Variants in NBEA observed in about 807,000 individuals in gnomAD.
NBEA encodes neurobeachin, also known as lysosomal-trafficking regulator 2.
In NBEA, 44 loss-of-function variants were observed where a neutral mutation model predicts 343.4. The observed-to-expected ratio is 0.13, with a 90% CI of 0.10 to 0.16. The LOEUF is 0.16. Among genes scored for constraint, NBEA ranks in the 10% least tolerant of loss-of-function variants. The pLI is 1.00. For synonymous variants in NBEA, 1,175 were observed against 1,238.7 expected, an observed-to-expected ratio of 0.95 and a Z score of 1.08; for missense variants, 2,555 against 3,631.3, an observed-to-expected ratio of 0.70 and a Z score of 7.62.
chr13:35,229,744 G>A (rs1012346080), intron 33 of NBEA, among the ~76,000 whole-genome samples: 5 of 151,988 alleles, frequency 3.3e-5, no homozygotes, highest in Non-Finnish European at 7.4e-5. Flanking sequence ...ATTTTCAGGC[G>A]ATAAAGGAGG....
intron 58 of NBEA, 57 bp from the exon 59 acceptor site, chr13:35,670,844 A>G (rs899756801): frequency 1.6e-6 from 2 of 1,238,286 alleles, no homozygotes; most frequent in Non-Finnish European, 2.3e-6. Context: ...CTAGTGTAAA[A>G]TAGCAACCAC....
intron 39 of NBEA, among the ~76,000 whole-genome samples, chr13:35,432,626 A>G (rs1176187276): frequency 6.6e-6 from 1 of 151,970 alleles, no homozygotes. Flanking sequence ...AGCTAAATGG[A>G]CTTCACATAG....
intron 35 of NBEA, among the ~76,000 whole-genome samples, chr13:35,308,568 A>ATGTATATG (rs762679860): frequency 4.6e-5 from 4 of 87,428 alleles, no homozygotes; most frequent in African/African-American, 1.4e-4. Flanking sequence ...GTATATATGT[A>ATGTATATG]TATATATGTA....
In NBEA at chr13:35,247,229, A is replaced by C. The variant is rs569504991; in HGVS notation, c.5776+14610A>C. Among the ~76,000 whole-genome samples, 4 of 152,284 alleles carry C rather than the reference A, an allele frequency of 2.6e-5. No individual in the cohort carries two copies. The South Asian group carries it at 8.3e-4, about 32-fold the overall frequency. Reference sequence around the variant, plus strand: ...TACCGGCCTCCTGGCCCAGAAAGCAAGCAGGGCTTCTGCGTCTCCTGCCTG... The same window carrying C: ...TACCGGCCTCCTGGCCCAGAAAGCACGCAGGGCTTCTGCGTCTCCTGCCTG... On this transcript the variant is annotated intron_variant, in intron 34 of 58. Transcript: ENST00000379939.
chr13:35,163,428 A>AG (rs1210145209), intron 23 of NBEA, among the ~76,000 whole-genome samples: 1 of 151,818 alleles, frequency 6.6e-6, no homozygotes, highest in Non-Finnish European at 1.5e-5. Context: ...CCAAGGCGGG[A>AG]GGATAGCTGG....
intron 36 of NBEA, among the ~76,000 whole-genome samples, chr13:35,333,830 A>G (rs1434188100): frequency 6.6e-6 from 1 of 152,172 alleles, no homozygotes; most frequent in Non-Finnish European, 1.5e-5. Flanking sequence ...TTCATTTAAC[A>G]TAATGACTTC....
intron 38 of NBEA, among the ~76,000 whole-genome samples, chr13:35,401,476 A>C (rs937382645): frequency 6.6e-6 from 1 of 152,090 alleles, no homozygotes; most frequent in Non-Finnish European, 1.5e-5. Flanking sequence ...CCCAAACAGT[A>C]AACAGTTTTG....
In NBEA at chr13:35,067,746, A is replaced by T. The variant is rs189618639; in HGVS notation, c.1240-2162A>T. 1.6e-3 allele frequency among the ~76,000 whole-genome samples: 251 copies of T among 152,142 alleles called. 1 individual carries two copies. Among genetic ancestry groups the T allele is most frequent in the African/African-American group, 4.2e-3 (175 of 41,520 alleles). Reference sequence around the variant, plus strand: ...ATGTAAAATATTTTCTTTAAAAAAAATTTTTTAAGACTCAAGGTCTCACTC... The same window carrying T: ...ATGTAAAATATTTTCTTTAAAAAAATTTTTTTAAGACTCAAGGTCTCACTC... On this transcript the variant is annotated intron_variant, in intron 8 of 58. Transcript: ENST00000379939.
chr13:35,297,449 T>G (rs924827618), intron 35 of NBEA, among the ~76,000 whole-genome samples: 2 of 152,072 alleles, frequency 1.3e-5, no homozygotes, highest in Non-Finnish European at 2.9e-5. Flanking sequence ...GTATTTCCTT[T>G]CTTTTTGAAG....
At chr13:35,256,663 C>A (rs2032636287) in intron 34 of NBEA, among the ~76,000 whole-genome samples, 1 of 152,210 alleles carries the variant, frequency 6.6e-6, no homozygotes, top group Non-Finnish European at 1.5e-5. Flanking sequence ...CCCTCCTGTG[C>A]TCTTTGGCAC....
At chr13:34,968,221 T>C (rs973604077) in intron 1 of NBEA, among the ~76,000 whole-genome samples, 1 of 152,282 alleles carries the variant, frequency 6.6e-6, no homozygotes, top group Middle Eastern at 3.4e-3. Context: ...CAGATTGATA[T>C]GTTTGCCAAC....
chr13:35,063,089 A>C (rs981322768), intron 8 of NBEA, among the ~76,000 whole-genome samples: 4 of 152,018 alleles, frequency 2.6e-5, no homozygotes, highest in Non-Finnish European at 5.9e-5. Flanking sequence ...TTCAAATGAA[A>C]GGTAACAAAA....
At chr13:35,240,592 T>C (rs1297642790) in intron 34 of NBEA, among the ~76,000 whole-genome samples, 1 of 151,876 alleles carries the variant, frequency 6.6e-6, no homozygotes, top group African/African-American at 2.4e-5. Flanking sequence ...ATTGAGTTGG[T>C]CTCTTCAAAA....
At chr13:35,168,292 T>G (rs545917401) in intron 24 of NBEA, among the ~76,000 whole-genome samples, 1 of 151,624 alleles carries the variant, frequency 6.6e-6, no homozygotes, top group African/African-American at 2.4e-5. Flanking sequence ...TGAAAACTAA[T>G]TCTATCTGAT....
At chr13:35,320,852 A>G (rs2038087758) in intron 36 of NBEA, among the ~76,000 whole-genome samples, 1 of 151,716 alleles carries the variant, frequency 6.6e-6, no homozygotes, top group Admixed American at 6.6e-5. Flanking sequence ...GTTGATCTTC[A>G]ATCTCTCATA....
At chr13:35,196,729 T>C (rs2072632966) in intron 31 of NBEA, among the ~76,000 whole-genome samples, 1 of 152,096 alleles carries the variant, frequency 6.6e-6, no homozygotes. Context: ...TTATATGACA[T>C]GCTTTAAGTG....
At chr13:35,059,576 G>A (rs2063389067) in intron 8 of NBEA, among the ~76,000 whole-genome samples, 1 of 151,746 alleles carries the variant, frequency 6.6e-6, no homozygotes, top group Admixed American at 6.6e-5. Context: ...TAGTCAAAGT[G>A]TTTATAATTC....
chr13:35,235,878 G>A (rs1412985130), intron 34 of NBEA, among the ~76,000 whole-genome samples: 1 of 152,016 alleles, frequency 6.6e-6, no homozygotes, highest in African/African-American at 2.4e-5. Flanking sequence ...GGTGAACCTG[G>A]ATTTTTTTTT....
intron 31 of NBEA, among the ~76,000 whole-genome samples, chr13:35,199,931 TTA>T (rs1449643506): frequency 6.6e-6 from 1 of 152,082 alleles, no homozygotes; most frequent in Non-Finnish European, 1.5e-5. Context: ...ATATCTTTGA[TTA>T]TACTCAGTGA....
Sources: allele counts gnomAD v4.1 joint callset (sites outside exome capture counted in the v4.1 genomes callset), GRCh38; gene constraint gnomAD v4.1.1; transcripts MANE v1.5; gene names NCBI Gene and HGNC (gene_info 2026-07-23, HGNC 2026-07-21).